Variants in DIP2A observed in about 807,000 individuals in gnomAD.
The protein encoded by DIP2A is disco-interacting protein 2 homolog A.
Under a neutral mutation model 177.4 loss-of-function variants are expected in DIP2A, and 85 were observed. The ratio of observed to expected loss-of-function variants is 0.48; its 90% CI spans 0.40 to 0.57. The LOEUF is 0.57. Among genes scored for constraint, DIP2A ranks in the 20% least tolerant of loss-of-function variants. The pLI is 0.00. For missense variants in DIP2A, 1,791 were observed against 2,100.2 expected (o/e 0.85, Z 2.88); for synonymous variants, 886 against 881.8 (o/e 1.00, Z -0.08).
intron 25 of DIP2A, chr21:46,553,840 C>T (rs2060357495): frequency 5.0e-6 from 1 of 200,426 alleles, no homozygotes; most frequent in African/African-American, 2.3e-5. Context: ...CCCTTCACTG[C>T]TAGTGAGAGA....
chr21:46,516,484 A>ATTTGTTTTTTTTTTTTTTAT (rs779342846), intron 8 of DIP2A, among the ~76,000 whole-genome samples: 1 of 92,876 alleles, frequency 1.1e-5, no homozygotes, highest in Non-Finnish European at 2.4e-5. Context: ...GTCTTCTGAA[A>ATTTGTTTTTTTTTTTTTTAT]TTTCTTTTTT....
At position 46,568,125 on chromosome 21, in the gene DIP2A, A is replaced by G. The variant is rs2060885910; in HGVS notation, c.*503A>G. The G allele has an allele frequency of 6.6e-6, 1 of 152,656 alleles. No individual in the cohort carries two copies. Among genetic ancestry groups the G allele is most frequent in the African/African-American group, 2.4e-5 (1 of 41,460 alleles). 9.5% of individuals were successfully genotyped at this position (152,656 alleles called of 1,614,324 possible). A position where few individuals can be genotyped will look rare whatever the true frequency, so the allele number is the denominator to read the frequency against. On this transcript the variant is annotated 3_prime_UTR_variant, in exon 38 of 38. Transcript: ENST00000417564. ...ACCAGCTGCCTCACTTCTGTTTCAC[A>G]GGGAGGCTGATGGAAAAAGGAAGCA...
At chr21:46,524,523 A>G (rs1183181420) in intron 8 of DIP2A, among the ~76,000 whole-genome samples, 2 of 152,060 alleles carry the variant, frequency 1.3e-5, no homozygotes, top group Non-Finnish European at 2.9e-5. Context: ...TTTGGAATTC[A>G]CCGGGAAGAT....
intron 6 of DIP2A, among the ~76,000 whole-genome samples, chr21:46,507,412 T>G (rs1307794231): frequency 6.6e-6 from 1 of 152,160 alleles, no homozygotes; most frequent in African/African-American, 2.4e-5. Flanking sequence ...TGAATCAAAG[T>G]TTACATTTTT....
chr21:46,560,718 C>T lies in DIP2A; in HGVS notation c.3970-4C>T, dbSNP rs755854302. The T allele has an allele frequency of 2.5e-6, 4 of 1,606,222 alleles. No homozygotes were observed. The East Asian group carries it at 9.0e-5, about 36-fold the overall frequency. The stretch of plus-strand genomic sequence containing the variant: ...CAGAAGTTCCTCTGCTGCTCTCCTT[C>T]CAGGGCACAGCTGGCCCGGACCCCA... On this transcript the variant is annotated splice_region_variant and splice_polypyrimidine_tract_variant and intron_variant, in intron 32 of 37. Transcript: ENST00000417564.
chr21:46,581,072 A>C, the DIP2A span, among the ~76,000 whole-genome samples: 1 of 152,204 alleles, frequency 6.6e-6, no homozygotes, highest in African/African-American at 2.4e-5. Flanking sequence ...CATCTCTTCC[A>C]GGTACCCCAA....
chr21:46,561,466 G>T (rs571336854), intron 33 of DIP2A: 78 of 481,340 alleles, frequency 1.6e-4, no homozygotes, highest in Middle Eastern at 1.1e-3. Context: ...CTTACTGGGT[G>T]CCAGGGGCTT....
intron 5 of DIP2A, among the ~76,000 whole-genome samples, chr21:46,501,554 G>A (rs2057651561): frequency 6.6e-6 from 1 of 152,008 alleles, no homozygotes; most frequent in Admixed American, 6.6e-5. Context: ...TGAGCAGCTG[G>A]GACTATAGGC....
intron 33 of DIP2A, 93 bp downstream of exon 33, chr21:46,560,876 G>A (rs2060639984): frequency 3.3e-6 from 5 of 1,523,416 alleles, no homozygotes; most frequent in African/African-American, 1.4e-5. Context: ...CGGGACCCAG[G>A]CATTAGAGGA....
the DIP2A span, among the ~76,000 whole-genome samples, chr21:46,581,414 T>C: frequency 6.6e-6 from 1 of 152,318 alleles, no homozygotes; most frequent in East Asian, 1.9e-4. Flanking sequence ...TCAATGGAGT[T>C]CGTTATTACC....
chr21:46,534,425 C>T (rs977376973), intron 12 of DIP2A, among the ~76,000 whole-genome samples, 160 bp from the exon 13 acceptor site: 3 of 152,206 alleles, frequency 2.0e-5, no homozygotes, highest in Non-Finnish European at 4.4e-5. Flanking sequence ...ATCCCCTCAG[C>T]GGCCAGGGTT....
At chr21:46,515,972 C>T (rs185402357) in intron 8 of DIP2A, among the ~76,000 whole-genome samples, 20 of 152,160 alleles carry the variant, frequency 1.3e-4, no homozygotes, top group African/African-American at 3.9e-4. Flanking sequence ...CCTGTATGTT[C>T]GTTATACTGT....
intron 12 of DIP2A, among the ~76,000 whole-genome samples, 188 bp downstream of exon 12, chr21:46,534,301 CATCTA>C (rs1490228762): frequency 6.6e-6 from 1 of 152,206 alleles, no homozygotes; most frequent in Admixed American, 6.5e-5. Context: ...GTTTCTCTCT[CATCTA>C]ATTCTCTCCT....
chr21:46,523,945 A>G (rs190674926), intron 8 of DIP2A, among the ~76,000 whole-genome samples: 3 of 152,364 alleles, frequency 2.0e-5, no homozygotes, highest in Admixed American at 1.3e-4. Context: ...CTATGGCAGT[A>G]TGGGGAAGGT....
In DIP2A at chr21:46,556,845, G is replaced by T; in HGVS notation, c.3499-94G>T. The T allele has an allele frequency of 8.6e-7, 1 of 1,163,426 alleles. No homozygotes were observed. The highest frequency in any genetic ancestry group is 1.2e-6 in the Non-Finnish European group (1 of 840,018). 72.1% of individuals were successfully genotyped at this position (1,163,426 alleles called of 1,614,324 possible). ...TGATGTTTGGTAGTTCGGAGCTATGGTCTAGCCATGTGAACAGCGGACACT... is the reference window on the plus strand; with the variant it reads ...TGATGTTTGGTAGTTCGGAGCTATGTTCTAGCCATGTGAACAGCGGACACT... On this transcript the variant is annotated intron_variant, in intron 29 of 37. Coordinates refer to ENST00000417564, the MANE Select transcript of DIP2A (RefSeq NM_015151.4). The surrounding 1 kb of genome is among the most constrained non-coding windows in gnomAD (Gnocchi z 4.5).
In DIP2A at chr21:46,537,208, C is replaced by T. The variant is rs1247901487; in HGVS notation, c.1643-16C>T. 1.9e-6 allele frequency: 3 copies of T among 1,613,890 alleles called. No homozygotes were observed. Among genetic ancestry groups the T allele is most frequent in the Non-Finnish European group, 2.5e-6 (3 of 1,179,888 alleles). Reference sequence around the variant, plus strand: ...GAGGGTTGCTCAGTGGTGTCACCTTCTTTGTCCACTTGCAGCTGAAACATT... The same window carrying T: ...GAGGGTTGCTCAGTGGTGTCACCTTTTTTGTCCACTTGCAGCTGAAACATT... On this transcript the variant is annotated splice_polypyrimidine_tract_variant and intron_variant, in intron 13 of 37. Transcript: ENST00000417564. This position sits in a 1 kb window ranked among gnomAD's most constrained non-coding sequence, Gnocchi z 4.1.
intron 1 of DIP2A, among the ~76,000 whole-genome samples, chr21:46,460,538 A>G (rs2054202053): frequency 1.3e-5 from 2 of 152,244 alleles, no homozygotes. Flanking sequence ...TTCTCAAAAC[A>G]TCTAAATAAT....
intron 1 of DIP2A, among the ~76,000 whole-genome samples, chr21:46,471,378 TGAGA>T (rs1390110963): frequency 6.6e-6 from 1 of 152,126 alleles, no homozygotes; most frequent in Admixed American, 6.5e-5. Context: ...ACAGCAAAAT[TGAGA>T]GAAAGGTACG....
At chr21:46,549,962 G>A (rs774275753) in intron 22 of DIP2A, 77 bp downstream of exon 22, 57 of 1,592,472 alleles carry the variant, frequency 3.6e-5, no homozygotes, top group Non-Finnish European at 4.6e-5. Context: ...GTGCCAAGTG[G>A]TTGGCTTGTC....
Sources: gnomAD v4.1 joint callset for allele counts (sites outside exome capture counted in the v4.1 genomes callset) on GRCh38, gnomAD v4.1.1 for gene constraint, Gnocchi (gnomAD v3.1) non-coding constraint, MANE v1.5 for transcripts, NCBI Gene and HGNC (gene_info 2026-07-23, HGNC 2026-07-21) for gene names.